Variants in CNTNAP5 observed in about 807,000 individuals in gnomAD.
The protein encoded by CNTNAP5 is contactin-associated protein-like 5.
Under a neutral mutation model 150.2 loss-of-function variants are expected in CNTNAP5, and 72 were observed. That is an observed-to-expected ratio of 0.48 (90% CI 0.40 to 0.58). CNTNAP5 has a LOEUF of 0.58. CNTNAP5 is among the 20% of genes least tolerant of loss of function. CNTNAP5 has a pLI of 0.00. For synonymous variants in CNTNAP5, 672 were observed against 619.8 expected, an observed-to-expected ratio of 1.08 and a Z score of -1.25; for missense variants, 1,636 against 1,626.2, an observed-to-expected ratio of 1.01 and a Z score of -0.10.
chr2:124,647,974 G>A lies in CNTNAP5; in HGVS notation c.2077+16G>A. On this transcript the variant is annotated intron_variant, in intron 13 of 23. Transcript: ENST00000682447. The stretch of plus-strand genomic sequence containing the variant: ...AACACGCCGGGTAAGGCCTCTGCAT[G>A]CATGACCACAGTGGGATAGATGGGA... The A allele has an allele frequency of 3.8e-6, 6 of 1,579,830 alleles. No individual in the cohort carries two copies. Among genetic ancestry groups the A allele is most frequent in the Non-Finnish European group, 5.2e-6 (6 of 1,162,682 alleles).
intron 7 of CNTNAP5, among the ~76,000 whole-genome samples, chr2:124,481,394 A>G (rs1333784805): frequency 6.6e-6 from 1 of 152,190 alleles, no homozygotes; most frequent in East Asian, 1.9e-4. Context: ...TAGTGTTATG[A>G]CTTTTCCTTT....
intron 22 of CNTNAP5, among the ~76,000 whole-genome samples, chr2:124,905,700 G>GT (rs1228344930): frequency 6.6e-6 from 1 of 152,170 alleles, no homozygotes; most frequent in African/African-American, 2.4e-5. Context: ...AAGTGCTAGG[G>GT]TTGGTCAGGA....
At chr2:124,201,931 A>G (rs1685738303) in intron 1 of CNTNAP5, among the ~76,000 whole-genome samples, 1 of 152,152 alleles carries the variant, frequency 6.6e-6, no homozygotes, top group Non-Finnish European at 1.5e-5. Context: ...TAGCCTCACC[A>G]TTAATATTGT....
chr2:124,413,273 A>C (rs1322313965), intron 3 of CNTNAP5, among the ~76,000 whole-genome samples: 2 of 151,076 alleles, frequency 1.3e-5, no homozygotes, highest in Non-Finnish European at 3.0e-5. Flanking sequence ...ACACTTTTAC[A>C]CTGTTGGTGG....
rs148745257 is a variant in CNTNAP5 at position 124,094,319 on chromosome 2, C to T, written c.82+68587C>T. 9.9e-4 allele frequency among the ~76,000 whole-genome samples: 151 copies of T among 152,234 alleles called. No individual in the cohort carries two copies. In the East Asian group the frequency reaches 0.025, roughly 25 times the overall value. ...TTTCTGCTCCTTTTCCAAAATTATACGATTTGGAGTAATTCTGTTGATCTA... is the reference window on the plus strand; with the variant it reads ...TTTCTGCTCCTTTTCCAAAATTATATGATTTGGAGTAATTCTGTTGATCTA... On this transcript the variant is annotated intron_variant, in intron 1 of 23. Coordinates refer to ENST00000682447, the MANE Select transcript of CNTNAP5 (RefSeq NM_001367498.1).
At chr2:124,536,161 C>A (rs1457556165) in intron 10 of CNTNAP5, among the ~76,000 whole-genome samples, 1 of 151,982 alleles carries the variant, frequency 6.6e-6, no homozygotes, top group Non-Finnish European at 1.5e-5. Flanking sequence ...TGGGATGGGG[C>A]CAAAATCAAA....
chr2:124,169,267 G>T (rs1161871486), intron 1 of CNTNAP5, among the ~76,000 whole-genome samples: 1 of 152,014 alleles, frequency 6.6e-6, no homozygotes, highest in African/African-American at 2.4e-5. Flanking sequence ...CCTGGGTTAG[G>T]GACTGGCTCG....
At chr2:124,054,832 A>G (rs900043829) in intron 1 of CNTNAP5, among the ~76,000 whole-genome samples, 2 of 152,200 alleles carry the variant, frequency 1.3e-5, no homozygotes, top group Admixed American at 1.3e-4. Context: ...CCTTCCTGCA[A>G]CAGCCCTAGA....
intron 1 of CNTNAP5, among the ~76,000 whole-genome samples, chr2:124,191,703 G>A (rs1276797524): frequency 1.3e-5 from 2 of 151,998 alleles, no homozygotes; most frequent in Non-Finnish European, 2.9e-5. Context: ...ATCACCTGAG[G>A]TCAGGAGTTG....
In CNTNAP5 at chr2:124,477,182, C is replaced by T. The variant is rs76537934; in HGVS notation, c.1062+2300C>T. On this transcript the variant is annotated intron_variant, in intron 7 of 23. Coordinates refer to ENST00000682447, the MANE Select transcript of CNTNAP5 (RefSeq NM_001367498.1). ...TTCAACTGACATTTTTTCTTTAATC[C>T]ATGGCAAGAGTAGGTCACCCTGTCA... Among the ~76,000 whole-genome samples the T allele has an allele frequency of 6.4e-3, 969 of 152,070 alleles. 12 individuals are homozygous for T. The highest frequency in any genetic ancestry group is 0.054 in the South Asian group (259 of 4,820).
At chr2:124,424,401 G>A (rs1361507510) in intron 4 of CNTNAP5, among the ~76,000 whole-genome samples, 1 of 152,152 alleles carries the variant, frequency 6.6e-6, no homozygotes, top group Non-Finnish European at 1.5e-5. Context: ...CTGGGGCATT[G>A]GCAGTCCAAT....
rs112483447 is a variant in CNTNAP5 at position 124,363,619 on chromosome 2, G to A, written c.382-53824G>A. Among the ~76,000 whole-genome samples the A allele has an allele frequency of 5.4e-3, 821 of 152,214 alleles. 5 individuals carry two copies. The highest frequency in any genetic ancestry group is 0.034 in the Middle Eastern group (10 of 294). ...CAAGATGAGTGAGTTTTATAGATCT[G>A]TTGTACAGCATAGTTCCTATATCTA... On this transcript the variant is annotated intron_variant, in intron 3 of 23. Coordinates refer to ENST00000682447, the MANE Select transcript of CNTNAP5 (RefSeq NM_001367498.1).
At chr2:124,705,111 A>C (rs2105094302) in intron 13 of CNTNAP5, among the ~76,000 whole-genome samples, 1 of 149,802 alleles carries the variant, frequency 6.7e-6, no homozygotes, top group African/African-American at 2.4e-5. Flanking sequence ...GTATACATAT[A>C]GTTATGTATT....
intron 1 of CNTNAP5, among the ~76,000 whole-genome samples, chr2:124,082,367 A>G (rs984287467): frequency 6.6e-6 from 1 of 150,760 alleles, no homozygotes; most frequent in Non-Finnish European, 1.5e-5. Context: ...AAAAAAAAAA[A>G]AAAAAAGGAC....
intron 1 of CNTNAP5, among the ~76,000 whole-genome samples, chr2:124,114,372 T>C (rs994997742): frequency 6.6e-5 from 10 of 152,170 alleles, no homozygotes; most frequent in African/African-American, 2.4e-4. Flanking sequence ...GATATTAATA[T>C]TTTTATGATA....
intron 1 of CNTNAP5, among the ~76,000 whole-genome samples, chr2:124,048,714 A>T (rs1408320024): frequency 6.6e-6 from 1 of 152,118 alleles, no homozygotes; most frequent in East Asian, 1.9e-4. Flanking sequence ...CTTTAACCTG[A>T]TTCACCTAGA....
At chr2:124,690,727 A>C (rs942618471) in intron 13 of CNTNAP5, among the ~76,000 whole-genome samples, 1 of 152,014 alleles carries the variant, frequency 6.6e-6, no homozygotes, top group African/African-American at 2.4e-5. Context: ...TGTCTGGTAC[A>C]TCACTTCAAC....
At chr2:124,831,647 T>C (rs1163625929) in intron 19 of CNTNAP5, among the ~76,000 whole-genome samples, 1 of 151,176 alleles carries the variant, frequency 6.6e-6, no homozygotes, top group Non-Finnish European at 1.5e-5. Context: ...CAGTATTTTA[T>C]ATACTAAAAT....
chr2:124,072,816 T>A (rs1304917037), intron 1 of CNTNAP5, among the ~76,000 whole-genome samples: 2 of 152,000 alleles, frequency 1.3e-5, no homozygotes, highest in African/African-American at 4.8e-5. Flanking sequence ...GCAATCCTTA[T>A]CAAAATACCA....
Sources: gnomAD v4.1 joint callset for allele counts (sites outside exome capture counted in the v4.1 genomes callset) on GRCh38, gnomAD v4.1.1 for gene constraint, MANE v1.5 for transcripts, NCBI Gene and HGNC (gene_info 2026-07-23, HGNC 2026-07-21) for gene names.